ROR2: variants seen among roughly 807,000 people sequenced by gnomAD.
The protein encoded by ROR2 is ROR family WNT receptor 2.
A neutral mutation model predicts 74.9 loss-of-function variants in ROR2; 33 were observed. That is an observed-to-expected ratio of 0.44 (90% CI 0.33 to 0.59). The LOEUF (loss-of-function observed/expected upper bound fraction) is 0.59. Among genes scored for constraint, ROR2 ranks in the 20% least tolerant of loss-of-function variants. The pLI is 0.02. For synonymous variants in ROR2, 586 were observed against 558.7 expected (o/e 1.05, Z -0.69); for missense variants, 1,216 against 1,313.8 (o/e 0.93, Z 1.15).
chr9:91,908,918 G>GAA (rs3083919), intron 1 of ROR2, among the ~76,000 whole-genome samples: 50,087 of 151,790 alleles, frequency 0.33, 8,602 homozygotes, highest in Admixed American at 0.48. Flanking sequence ...GACCATGAGG[G>GAA]AGTTTCCCTT....
At chr9:91,738,543 A>G (rs943315722) in intron 4 of ROR2, among the ~76,000 whole-genome samples, 3 of 152,236 alleles carry the variant, frequency 2.0e-5, no homozygotes, top group African/African-American at 7.2e-5. Context: ...GTTTGCAAAC[A>G]AGGCTTTTAT....
chr9:91,831,722 G>A (rs971667163), intron 1 of ROR2, among the ~76,000 whole-genome samples: 1 of 150,814 alleles, frequency 6.6e-6, no homozygotes, highest in Non-Finnish European at 1.5e-5. Flanking sequence ...GGCTGAGGCA[G>A]GAGAATCGCT....
At chr9:91,751,637 A>G (rs1445141648) in intron 4 of ROR2, among the ~76,000 whole-genome samples, 3 of 152,218 alleles carry the variant, frequency 2.0e-5, no homozygotes, top group Non-Finnish European at 2.9e-5. Context: ...GGTGACTTTC[A>G]CAAATCTTCA....
At chr9:91,812,271 CT>C (rs1827777419) in intron 1 of ROR2, among the ~76,000 whole-genome samples, 1 of 152,098 alleles carries the variant, frequency 6.6e-6, no homozygotes. Context: ...CATCACATCT[CT>C]TGGAAGTAGA....
chr9:91,774,822 T>G (rs919792578), intron 2 of ROR2, among the ~76,000 whole-genome samples: 1 of 152,182 alleles, frequency 6.6e-6, no homozygotes, highest in Non-Finnish European at 1.5e-5. Flanking sequence ...GGCATCCTTT[T>G]CCTGAAGAAG....
intron 1 of ROR2, among the ~76,000 whole-genome samples, chr9:91,924,267 G>C (rs1056395760): frequency 6.6e-6 from 1 of 152,212 alleles, no homozygotes; most frequent in African/African-American, 2.4e-5. Flanking sequence ...CTGTGGTCAC[G>C]CTGGGGACTG....
intron 1 of ROR2, among the ~76,000 whole-genome samples, chr9:91,819,216 C>T (rs1828050659): frequency 6.6e-6 from 1 of 152,202 alleles, no homozygotes; most frequent in East Asian, 1.9e-4. Flanking sequence ...CCAGGACTGA[C>T]ACAGCATGGG....
chr9:91,874,089 G>A (rs1587808859), intron 1 of ROR2, among the ~76,000 whole-genome samples: 2 of 152,106 alleles, frequency 1.3e-5, no homozygotes, highest in East Asian at 1.9e-4. Context: ...GAAAGTGATC[G>A]CATCCACCTG....
chr9:91,816,986 C>A (rs1290491217), intron 1 of ROR2, among the ~76,000 whole-genome samples: 1 of 152,156 alleles, frequency 6.6e-6, no homozygotes, highest in African/African-American at 2.4e-5. Flanking sequence ...TTTAACTGAC[C>A]ATCTGTACTT....
chr9:91,725,967 C>T (rs966537145), intron 8 of ROR2, among the ~76,000 whole-genome samples: 2 of 152,242 alleles, frequency 1.3e-5, no homozygotes, highest in African/African-American at 4.8e-5. Context: ...TTACCTACGG[C>T]TTGCAATGAG....
At chr9:91,881,584 T>C (rs759452579) in intron 1 of ROR2, among the ~76,000 whole-genome samples, 1 of 152,244 alleles carries the variant, frequency 6.6e-6, no homozygotes, top group African/African-American at 2.4e-5. Flanking sequence ...GTGAGTTATC[T>C]CCAGCAGCAT....
At chr9:91,901,645 A>G (rs1365228369) in intron 1 of ROR2, among the ~76,000 whole-genome samples, 2 of 151,978 alleles carry the variant, frequency 1.3e-5, no homozygotes, top group African/African-American at 4.8e-5. Flanking sequence ...ATGAAACCCC[A>G]TCTCTACTAA....
At position 91,723,115 on chromosome 9, in the gene ROR2, G is replaced by A. The variant is rs1836855297; in HGVS notation, c.*547C>T. 6.2e-6 allele frequency: 1 copy of A among 160,084 alleles called. No homozygotes were observed. Among genetic ancestry groups the A allele is most frequent in the African/African-American group, 2.4e-5 (1 of 41,542 alleles). 9.9% of individuals were successfully genotyped at this position (160,084 alleles called of 1,614,324 possible). On this transcript the variant is annotated 3_prime_UTR_variant, in exon 9 of 9. Transcript: ENST00000375708. ...GCCCCTTGTCTTCCGACCCCAACAG[G>A]CAGCAGAGGGCAGCCTCCGTTCCAG... is the stretch of plus-strand genomic sequence containing the variant.
intron 1 of ROR2, among the ~76,000 whole-genome samples, chr9:91,860,835 G>A (rs552104425): frequency 6.6e-6 from 1 of 152,280 alleles, no homozygotes; most frequent in East Asian, 1.9e-4. Flanking sequence ...CACCCTCACA[G>A]ACACACCCAA....
At chr9:91,834,142 T>C (rs1026353904) in intron 1 of ROR2, among the ~76,000 whole-genome samples, 2 of 152,146 alleles carry the variant, frequency 1.3e-5, no homozygotes, top group African/African-American at 4.8e-5. Context: ...AGTAAATCTA[T>C]CTTGTTACCC....
chr9:91,904,315 T>C (rs756495392), intron 1 of ROR2, among the ~76,000 whole-genome samples: 1 of 152,124 alleles, frequency 6.6e-6, no homozygotes, highest in South Asian at 2.1e-4. Flanking sequence ...CCTGCCTCCA[T>C]TGTGCCTTGT....
chr9:91,783,597 T>TCAGCTG (rs148470779), intron 1 of ROR2, among the ~76,000 whole-genome samples: 35,504 of 151,924 alleles, frequency 0.23, 4,279 homozygotes, highest in Middle Eastern at 0.35. Context: ...CTCCAGGGTT[T>TCAGCTG]CAGCTGCAGC....
At chr9:91,841,261 C>T (rs1168002000) in intron 1 of ROR2, among the ~76,000 whole-genome samples, 1 of 152,252 alleles carries the variant, frequency 6.6e-6, no homozygotes, top group African/African-American at 2.4e-5. Context: ...TTAATAAATA[C>T]ATGAGTCCAC....
At chr9:91,879,366 T>C (rs546187918) in intron 1 of ROR2, among the ~76,000 whole-genome samples, 96 of 152,296 alleles carry the variant, frequency 6.3e-4, no homozygotes, top group Admixed American at 1.4e-3. Context: ...CTTTTTCTTC[T>C]CTACTTCCTT....
Sources: allele counts gnomAD v4.1 joint callset (sites outside exome capture counted in the v4.1 genomes callset), GRCh38; gene constraint gnomAD v4.1.1; transcripts MANE v1.5; gene names NCBI Gene and HGNC (gene_info 2026-07-23, HGNC 2026-07-21).